Variants in CPNE7 observed in about 807,000 individuals in gnomAD.
CPNE7 encodes the protein copine 7, also known as copine-7.
In CPNE7, 78 loss-of-function variants were observed where a neutral mutation model predicts 66.5. The observed-to-expected ratio is 1.17, with a 90% CI of 0.98 to 1.42. The LOEUF (loss-of-function observed/expected upper bound fraction) is 1.42. Ranked by LOEUF, CPNE7 falls within the 40% of genes most tolerant of loss-of-function variation. CPNE7 has a pLI of 0.00. For missense variants in CPNE7, 1,012 were observed against 776.6 expected (o/e 1.30, Z -3.60); for synonymous variants, 468 against 336.7 (o/e 1.39, Z -4.27).
chr16:89,580,860 C>T (rs1290860443), intron 2 of CPNE7, among the ~76,000 whole-genome samples: 1 of 149,002 alleles, frequency 6.7e-6, no homozygotes, highest in Non-Finnish European at 1.5e-5. Context: ...CATCCCATCA[C>T]CCGTCACACG....
chr16:89,588,923 C>A (rs533665374), intron 10 of CPNE7, 115 bp downstream of exon 10: 3 of 1,349,848 alleles, frequency 2.2e-6, no homozygotes, highest in Non-Finnish European at 3.0e-6. Context: ...CAGGTGCACC[C>A]GGCCGGTTTT....
chr16:89,590,560 T>C (rs1170497367), intron 11 of CPNE7, among the ~76,000 whole-genome samples: 2 of 151,312 alleles, frequency 1.3e-5, no homozygotes, highest in African/African-American at 4.9e-5. Flanking sequence ...AAACTTCAAC[T>C]GGCTTCAGCA....
At chr16:89,593,887 C>G (rs1169417460) in intron 13 of CPNE7, among the ~76,000 whole-genome samples, 2 of 152,184 alleles carry the variant, frequency 1.3e-5, no homozygotes, top group Admixed American at 6.5e-5. Flanking sequence ...TCCTGTGTGG[C>G]TGGGAAGCGG....
In CPNE7 at chr16:89,577,709, C is replaced by T. The variant is rs753911675; in HGVS notation, c.345C>T (p.Cys115=). 6.3e-7 allele frequency: 1 copy of T among 1,594,416 alleles called. No individual in the cohort carries two copies. Among genetic ancestry groups the T allele is most frequent in the Non-Finnish European group, 8.5e-7 (1 of 1,170,854 alleles). Residue 115 remains cysteine (C), a synonymous_variant, in exon 2 of 15, where the codon TGC becomes TGT. Transcript: ENST00000319518. Reference sequence around the variant, plus strand: ...ACGATTTCCTGGGGGGCATGGAGTGCACCCTGGGGCAGGTGGGTGCCCCGT... The same window carrying T: ...ACGATTTCCTGGGGGGCATGGAGTGTACCCTGGGGCAGGTGGGTGCCCCGT... ...QEDDFLGGME[C]TLGQIVAQKK...
chr16:89,583,823 G>C (rs762806593), intron 3 of CPNE7, 52 bp downstream of exon 3: 47 of 1,596,724 alleles, frequency 2.9e-5, no homozygotes, highest in African/African-American at 4.0e-5. Context: ...CTGTGGCTCC[G>C]AGGGGTGTTG....
chr16:89,591,051 G>C lies in CPNE7; in HGVS notation c.1161G>C (p.Glu387Asp). 6.2e-7 allele frequency: 1 copy of C among 1,613,774 alleles called. No individual in the cohort carries two copies. Among genetic ancestry groups the C allele is most frequent in the Non-Finnish European group, 8.5e-7 (1 of 1,179,898 alleles). ...FAINFNPEDDECEGIQGVVEA... is the reference protein window; with the variant it reads ...FAINFNPEDDDCEGIQGVVEA... ...TCAATTTCAACCCTGAGGACGATGA[G>C]TGTGAAGGTAGGAGCTCGAGGCAGG... The change falls in exon 12 of 15, where the codon GAG becomes GAC. Residue 387 changes from glutamate to aspartate, a missense_variant. By Grantham distance (45) the Glu-to-Asp change is conservative. Coordinates refer to ENST00000319518, the MANE Select transcript of CPNE7 (RefSeq NM_153636.3).
At position 89,596,587 on chromosome 16, in the gene CPNE7, C is replaced by T; in HGVS notation, c.1643C>T (p.Pro548Leu). 6.2e-7 allele frequency: 1 copy of T among 1,607,224 alleles called. No individual in the cohort carries two copies. Among genetic ancestry groups the T allele is most frequent in the Non-Finnish European group, 8.5e-7 (1 of 1,179,522 alleles). The change falls in exon 15 of 15, where the codon CCT (proline) becomes CTT (leucine). Residue 548 changes from proline to leucine, a missense_variant. Pro to Leu is a moderately conservative substitution (Grantham distance 98). Transcript: ENST00000319518. ...RGLPPRSLGVPAGEASPGCTP is the reference protein window; with the variant it reads ...RGLPPRSLGVLAGEASPGCTP The stretch of plus-strand genomic sequence containing the variant: ...CTGCCCCCGAGAAGCCTGGGTGTCC[C>T]TGCCGGAGAGGCCAGCCCAGGCTGC...
intron 2 of CPNE7, 141 bp downstream of exon 2, chr16:89,577,862 G>C (rs947752450): frequency 3.0e-6 from 2 of 662,914 alleles, no homozygotes; most frequent in Non-Finnish European, 5.1e-6. Flanking sequence ...CTCCTGAACA[G>C]TCATTATTAG....
At chr16:89,588,879 C>A in intron 10 of CPNE7, 71 bp downstream of exon 10, 1 of 1,571,622 alleles carries the variant, frequency 6.4e-7, no homozygotes, top group Non-Finnish European at 8.7e-7. Flanking sequence ...GGCCGTCTTC[C>A]CCCTCACCCC....
intron 13 of CPNE7, among the ~76,000 whole-genome samples, chr16:89,593,556 G>T (rs985001498): frequency 6.6e-6 from 1 of 151,956 alleles, no homozygotes; most frequent in Non-Finnish European, 1.5e-5. Context: ...GTTTCACTGT[G>T]TTAGCCAGGA....
rs972967117 is a variant in CPNE7, at chr16:89,589,902, A to G, written c.1067A>G (p.Lys356Arg). 1.9e-6 allele frequency: 3 copies of G among 1,613,488 alleles called. No homozygotes were observed. The highest frequency in any genetic ancestry group is 2.7e-5 in the African/African-American group (2 of 74,924). Residue 356 changes from lysine to arginine, a missense_variant, in exon 11 of 15, where the codon AAG becomes AGG. Lys to Arg is a conservative substitution (Grantham distance 26). Coordinates refer to ENST00000319518, the MANE Select transcript of CPNE7 (RefSeq NM_153636.3). ...ACCTCCTGCCTCTCTTCCAGTGACA[A>G]GAGGTTTTCCGCTTTGGGGTTTGGA... ...GEICQDYDSD[K>R]RFSALGFGAR...
chr16:89,588,939 AC>A (rs886271616), intron 10 of CPNE7, 131 bp downstream of exon 10: 7 of 1,072,416 alleles, frequency 6.5e-6, no homozygotes, highest in African/African-American at 1.6e-5. Flanking sequence ...GTTTTCCCTC[AC>A]CCCCCTGGGC....
At chr16:89,590,011 G>A in intron 11 of CPNE7, 60 bp downstream of exon 11, 1 of 1,592,966 alleles carries the variant, frequency 6.3e-7, no homozygotes, top group Admixed American at 1.7e-5. Flanking sequence ...CTCCCAGGCA[G>A]AGGACGGCCT....
At chr16:89,589,176 C>T (rs1218622793) in intron 10 of CPNE7, among the ~76,000 whole-genome samples, 1 of 152,210 alleles carries the variant, frequency 6.6e-6, no homozygotes, top group South Asian at 2.1e-4. Context: ...CCTGTAATCC[C>T]AGCTACTCAG....
At position 89,592,810 on chromosome 16, in the gene CPNE7, C is replaced by CTTTTTTT. The variant is rs57297283; in HGVS notation, c.1302+1563_1302+1569dup. On this transcript the variant is annotated intron_variant, in intron 13 of 14. Coordinates refer to ENST00000319518, the MANE Select transcript of CPNE7 (RefSeq NM_153636.3). ...ACCATTGTAACCATTTTTTTCTTTT[C>CTTTTTTT]TTTTTTTTTTTTTTTTTTTGAGATG... Among the ~76,000 whole-genome samples, 97 of 106,346 alleles carry CTTTTTTT rather than the reference C, an allele frequency of 9.1e-4. 1 individual carries two copies. Among genetic ancestry groups the CTTTTTTT allele is most frequent in the East Asian group, 2.0e-3 (8 of 4,036 alleles). 69.8% of individuals were successfully genotyped at this position (106,346 alleles called of 152,430 possible).
rs1415371114 is a variant in CPNE7, at chr16:89,583,679, G to A, written c.358-18G>A. On this transcript the variant is annotated intron_variant, in intron 2 of 14. Transcript: ENST00000319518. ...CGTCCCCGCCTGCCCCTCCCTGCCT[G>A]ACGCCTCTGACTTACAGATTGTGGC... The A allele has an allele frequency of 1.9e-6, 3 of 1,612,720 alleles. No homozygotes were observed. Among genetic ancestry groups the A allele is most frequent in the Non-Finnish European group, 2.5e-6 (3 of 1,179,858 alleles).
rs1430375549 is a variant in CPNE7, at chr16:89,575,951, G to C, written c.54G>C (p.Ala18=). 1 of 1,343,188 alleles carries C rather than the reference G, an allele frequency of 7.4e-7. No homozygotes were observed. Among genetic ancestry groups the C allele is most frequent in the African/African-American group, 1.5e-5 (1 of 65,478 alleles). 83.2% of individuals were successfully genotyped at this position (1,343,188 alleles called of 1,614,324 possible). Residue 18 remains alanine (A), a synonymous_variant, in exon 1 of 15, where the codon GCG becomes GCC. Transcript: ENST00000319518. Reference sequence around the variant, plus strand: ...CGGCAACCCCCGGGGGTTTGCCCGCGCCCTGCGCCTCGAAGGTGGAGCTGC... The same window carrying C: ...CGGCAACCCCCGGGGGTTTGCCCGCCCCCTGCGCCTCGAAGGTGGAGCTGC... ...GAAATPGGLP[A]PCASKVELRL...
At chr16:89,586,297 T>A (rs1011671122) in intron 7 of CPNE7, among the ~76,000 whole-genome samples, 8 of 151,944 alleles carry the variant, frequency 5.3e-5, no homozygotes, top group Non-Finnish European at 1.2e-4. Flanking sequence ...TCAGGCACCA[T>A]CTGGGTCTGG....
In CPNE7 at chr16:89,586,960, C is replaced by T; in HGVS notation, c.868-83C>T. ...TGGCACCCCAGAGGGACTGGGCTGC[C>T]TGCGGGAGGCAGGCCTGGATCCCAG... is the stretch of plus-strand genomic sequence containing the variant. On this transcript the variant is annotated intron_variant, in intron 8 of 14. Coordinates refer to ENST00000319518, the MANE Select transcript of CPNE7 (RefSeq NM_153636.3). 3 of 1,398,578 alleles carry T rather than the reference C, an allele frequency of 2.1e-6. No homozygotes were observed. In the South Asian group the frequency reaches 3.7e-5, roughly 17 times the overall value. The allele number at this position is 1,398,578 out of a possible 1,614,324, so 86.6% of individuals were successfully genotyped here.
Sources: gnomAD v4.1 joint callset for allele counts (sites outside exome capture counted in the v4.1 genomes callset) on GRCh38, gnomAD v4.1.1 for gene constraint, MANE v1.5 for transcripts, NCBI Gene and HGNC (gene_info 2026-07-23, HGNC 2026-07-21) for gene names.